The following MAL2 variants were observed in gnomAD, a reference collection of about 807,000 sequenced individuals.
The protein encoded by MAL2 is mal, T cell differentiation protein 2, also known as protein MAL2.
MAL2 carries 17 observed loss-of-function variants against 18.1 expected under a neutral mutation model. The observed-to-expected ratio is 0.94, with a 90% CI of 0.64 to 1.41. The LOEUF is 1.41. MAL2 is among the 40% of genes most tolerant of loss of function. The pLI is 0.00. For missense variants in MAL2, 222 were observed against 231.9 expected, an observed-to-expected ratio of 0.96 and a Z score of 0.28; for synonymous variants, 102 against 102.3, an observed-to-expected ratio of 1.00 and a Z score of 0.02.
rs1818092834 is a variant in MAL2 at position 119,243,545 on chromosome 8, GATCA to G, written c.*60_*63del. 8 of 1,418,758 alleles carry G rather than the reference GATCA, an allele frequency of 5.6e-6. No individual in the cohort carries two copies. The South Asian group carries it at 1.1e-4, about 20-fold the overall frequency. 87.9% of individuals were successfully genotyped at this position (1,418,758 alleles called of 1,614,324 possible). On this transcript the variant is annotated 3_prime_UTR_variant, in exon 4 of 4. Transcript: ENST00000614891. The stretch of plus-strand genomic sequence containing the variant: ...TTTCACTTGTCTACTTTATATGTCT[GATCA>G]ATTTGGATACCATTTTGTCCAGATG...
chr8:119,234,099 C>A (rs1340076325), intron 2 of MAL2, among the ~76,000 whole-genome samples: 1 of 152,110 alleles, frequency 6.6e-6, no homozygotes, highest in African/African-American at 2.4e-5. Context: ...CCAGTGGGTG[C>A]GCGCACCGTG....
At chr8:119,239,190 A>G (rs201963699) in intron 2 of MAL2, among the ~76,000 whole-genome samples, 9 of 152,324 alleles carry the variant, frequency 5.9e-5, no homozygotes, top group South Asian at 2.1e-4. Flanking sequence ...ACCATCACTG[A>G]CCATCAGAGA....
intron 1 of MAL2, among the ~76,000 whole-genome samples, chr8:119,210,072 A>G (rs1334873301): frequency 6.6e-6 from 1 of 152,224 alleles, no homozygotes; most frequent in Non-Finnish European, 1.5e-5. Flanking sequence ...CCATATCCGC[A>G]TTCCACCTGT....
intron 2 of MAL2, among the ~76,000 whole-genome samples, chr8:119,228,164 T>A (rs1817635722): frequency 6.6e-6 from 1 of 152,106 alleles, no homozygotes; most frequent in Non-Finnish European, 1.5e-5. Context: ...TCTCTTGAAG[T>A]TTAGTGGCAA....
At chr8:119,210,644 C>G (rs1399105599) in intron 1 of MAL2, among the ~76,000 whole-genome samples, 3 of 152,132 alleles carry the variant, frequency 2.0e-5, no homozygotes, top group Non-Finnish European at 4.4e-5. Flanking sequence ...TCTCTCTATC[C>G]GCTAAAACTG....
intron 1 of MAL2, among the ~76,000 whole-genome samples, chr8:119,217,617 G>C (rs551120103): frequency 2.6e-5 from 4 of 152,162 alleles, no homozygotes; most frequent in Non-Finnish European, 4.4e-5. Flanking sequence ...TGGCAGGGAA[G>C]GGGTCAGAAT....
intron 2 of MAL2, among the ~76,000 whole-genome samples, chr8:119,224,580 GTTTT>G (rs1164592893): frequency 1.3e-5 from 2 of 151,838 alleles, no homozygotes; most frequent in African/African-American, 4.8e-5. Flanking sequence ...GGTACATGTG[GTTTT>G]TTATTACATG....
chr8:119,237,008 G>A (rs1386529910), intron 2 of MAL2, among the ~76,000 whole-genome samples: 1 of 151,660 alleles, frequency 6.6e-6, no homozygotes, highest in Non-Finnish European at 1.5e-5. Context: ...CCAGGAGCTG[G>A]ATTTTTGAAA....
rs1217732608 is a variant in MAL2, at chr8:119,208,506, C to T, written c.34C>T (p.Pro12Ser). The change falls in exon 1 of 4, where the codon CCG becomes TCG. Residue 12 changes from proline to serine, a missense_variant. Pro to Ser is a moderately conservative substitution (Grantham distance 74, BLOSUM62 -1). Coordinates refer to ENST00000614891, the MANE Select transcript of MAL2 (RefSeq NM_052886.3). This position sits in a 1 kb window ranked among gnomAD's most constrained non-coding sequence, Gnocchi z 4.3. The stretch of plus-strand genomic sequence containing the variant: ...CGGCGGAGCGTCAGTCCCGCCGCCC[C>T]CGAACCCCGCCGTGTCCTTCCCGCC... ...SAGGASVPPPPNPAVSFPPPR... is the reference protein window; with the variant it reads ...SAGGASVPPPSNPAVSFPPPR... 4.5e-6 allele frequency: 6 copies of T among 1,334,226 alleles called. No individual in the cohort carries two copies. Among genetic ancestry groups the T allele is most frequent in the Non-Finnish European group, 5.8e-6 (6 of 1,039,860 alleles). The allele number at this position is 1,334,226 out of a possible 1,614,324, so 82.6% of individuals were successfully genotyped here. A position where few individuals can be genotyped will look rare whatever the true frequency, so the allele number is the denominator to read the frequency against.
intron 2 of MAL2, among the ~76,000 whole-genome samples, chr8:119,235,327 G>A (rs1817857557): frequency 6.6e-6 from 1 of 152,150 alleles, no homozygotes; most frequent in African/African-American, 2.4e-5. Context: ...CGTCTGATTG[G>A]GGTACCTGAA....
intron 2 of MAL2, among the ~76,000 whole-genome samples, chr8:119,230,142 A>T (rs551006009): frequency 3.0e-4 from 45 of 152,030 alleles, no homozygotes; most frequent in Non-Finnish European, 4.9e-4. Context: ...AACACTTGTC[A>T]CTCTCCAGTG....
At chr8:119,221,473 G>T in intron 1 of MAL2, 114 bp from the exon 2 acceptor site, 1 of 1,284,272 alleles carries the variant, frequency 7.8e-7, no homozygotes. Context: ...TGGAATATGT[G>T]CAGGGGTCTG....
intron 2 of MAL2, among the ~76,000 whole-genome samples, chr8:119,235,019 G>A (rs1376829015): frequency 6.6e-6 from 1 of 151,778 alleles, no homozygotes; most frequent in African/African-American, 2.4e-5. Flanking sequence ...CTGAGCTACA[G>A]GAGGACATTC....
intron 3 of MAL2, among the ~76,000 whole-genome samples, chr8:119,240,884 A>G (rs1032789841): frequency 6.6e-6 from 1 of 152,146 alleles, no homozygotes; most frequent in Admixed American, 6.6e-5. Context: ...TATTTATTAA[A>G]TTTTTTAAAT....
intron 1 of MAL2, among the ~76,000 whole-genome samples, chr8:119,219,900 A>G (rs998702593): frequency 3.3e-5 from 5 of 152,178 alleles, no homozygotes; most frequent in African/African-American, 1.2e-4. Flanking sequence ...GATGTGCTCA[A>G]GATTAGATGT....
At chr8:119,227,429 T>C (rs1307842485) in intron 2 of MAL2, among the ~76,000 whole-genome samples, 1 of 152,152 alleles carries the variant, frequency 6.6e-6, no homozygotes, top group Non-Finnish European at 1.5e-5. Context: ...CTTGACCAAA[T>C]CCATACAAAA....
At chr8:119,232,668 G>A (rs1817758619) in intron 2 of MAL2, among the ~76,000 whole-genome samples, 1 of 152,010 alleles carries the variant, frequency 6.6e-6, no homozygotes, top group Non-Finnish European at 1.5e-5. Flanking sequence ...AATCTCTAAT[G>A]ATAAAAATAA....
At chr8:119,228,183 G>A (rs1368472239) in intron 2 of MAL2, among the ~76,000 whole-genome samples, 1 of 152,080 alleles carries the variant, frequency 6.6e-6, no homozygotes, top group Non-Finnish European at 1.5e-5. Context: ...AACTACCTTT[G>A]TCAAGATGGT....
At chr8:119,239,392 A>G (rs1057330606) in intron 2 of MAL2, among the ~76,000 whole-genome samples, 5 of 151,870 alleles carry the variant, frequency 3.3e-5, no homozygotes, top group Admixed American at 1.3e-4. Flanking sequence ...CTAGAACTAG[A>G]AATACCATTT....
Sources: gnomAD v4.1 joint callset for allele counts (sites outside exome capture counted in the v4.1 genomes callset) on GRCh38, gnomAD v4.1.1 for gene constraint, Gnocchi (gnomAD v3.1) non-coding constraint, MANE v1.5 for transcripts, NCBI Gene and HGNC (gene_info 2026-07-23, HGNC 2026-07-21) for gene names.